The following ZSCAN2 variants were observed in gnomAD, a reference collection of about 807,000 sequenced individuals.
ZSCAN2 encodes the protein zinc finger and SCAN domain containing 2.
Under a neutral mutation model 47.8 loss-of-function variants are expected in ZSCAN2, and 26 were observed. The observed-to-expected ratio is 0.54, with a 90% CI of 0.40 to 0.75. The LOEUF (loss-of-function observed/expected upper bound fraction) is 0.75, where lower values mean the gene tolerates loss of function less well. Ranked by LOEUF, ZSCAN2 falls within the 30% of genes least tolerant of loss-of-function variation. The pLI, the probability that ZSCAN2 is intolerant of heterozygous loss-of-function variation, is 0.00. For missense variants in ZSCAN2, 732 were observed against 785.4 expected, an observed-to-expected ratio of 0.93 and a Z score of 0.81; for synonymous variants, 305 against 288.7, an observed-to-expected ratio of 1.06 and a Z score of -0.57.
chr15:84,612,920 G>T (rs1008464180), intron 2 of ZSCAN2, among the ~76,000 whole-genome samples: 10 of 152,198 alleles, frequency 6.6e-5, no homozygotes, highest in African/African-American at 2.4e-4. Context: ...AGATTTTAAA[G>T]AAATTCTTTC....
intron 2 of ZSCAN2, among the ~76,000 whole-genome samples, chr15:84,617,903 G>A (rs769766418): frequency 6.6e-6 from 1 of 152,078 alleles, no homozygotes; most frequent in African/African-American, 2.4e-5. Context: ...TCTCGCTACT[G>A]TACTACCGCC....
chr15:84,621,937 C>G lies in ZSCAN2; in HGVS notation c.1742C>G (p.Thr581Ser), dbSNP rs375794756. Reference sequence around the variant, plus strand: ...CTCATTATACATCAGCGAATCCACACTGGGGAGAAGCCCTACAAATGCCCC... The same window carrying G: ...CTCATTATACATCAGCGAATCCACAGTGGGGAGAAGCCCTACAAATGCCCC... Reference protein sequence around the residue: ...SVLIIHQRIHTGEKPYKCPEC... With the variant: ...SVLIIHQRIHSGEKPYKCPEC... The change falls in exon 3 of 3, where the codon ACT (threonine) becomes AGT (serine). Residue 581 changes from threonine (T) to serine (S), a missense_variant. Physicochemically the swap from Thr to Ser is moderately conservative, Grantham distance 58 (BLOSUM62 1). Transcript: ENST00000546148. The surrounding 1 kb of genome is among the most constrained non-coding windows in gnomAD (Gnocchi z 5.7). 27 of 1,614,040 alleles carry G rather than the reference C, an allele frequency of 1.7e-5. No homozygotes were observed. The highest frequency in any genetic ancestry group is 3.3e-5 in the South Asian group (3 of 91,080).
rs1895296939 is a variant in ZSCAN2, at chr15:84,604,085, C to T, written c.158C>T (p.Ser53Phe). The change falls in exon 2 of 3, where the codon TCT becomes TTT. Residue 53 changes from serine to phenylalanine, a missense_variant. By Grantham distance (155) the Ser-to-Phe change is radical. Coordinates refer to ENST00000546148, the MANE Select transcript of ZSCAN2 (RefSeq NM_181877.4). ...EAVLQEDGPE[S>F]EPFPQSAGKG... The stretch of plus-strand genomic sequence containing the variant: ...GTGCTGCAGGAGGATGGCCCTGAGT[C>T]TGAGCCCTTTCCCCAGAGTGCTGGC... 6.2e-7 allele frequency: 1 copy of T among 1,614,054 alleles called. No homozygotes were observed. Among genetic ancestry groups the T allele is most frequent in the Non-Finnish European group, 8.5e-7 (1 of 1,180,026 alleles).
Position 84,603,819 on chromosome 15 carries a change from G to C in ZSCAN2, c.-108-1G>C, listed in dbSNP as rs1040819848. ...TTATGGTTCTCTTTTTTGTTTCTCA[G>C]CGGGACTACTTGTTGATATTTGAGG... On this transcript the variant is annotated splice_acceptor_variant, in intron 1 of 2. Transcript: ENST00000546148. LOFTEE classifies it low-confidence loss of function (5UTR_SPLICE). 26 of 1,308,818 alleles carry C rather than the reference G, an allele frequency of 2.0e-5. No homozygotes were observed. The highest frequency in any genetic ancestry group is 2.6e-5 in the Non-Finnish European group (25 of 949,570). 81.1% of individuals were successfully genotyped at this position (1,308,818 alleles called of 1,614,324 possible).
intron 2 of ZSCAN2, among the ~76,000 whole-genome samples, chr15:84,610,417 G>A (rs998522374): frequency 6.6e-6 from 1 of 151,536 alleles, no homozygotes; most frequent in Admixed American, 6.6e-5. Context: ...TATGAAGTGT[G>A]AATAAGCAAT....
At chr15:84,604,823 C>T (rs549382291) in intron 2 of ZSCAN2, among the ~76,000 whole-genome samples, 1 of 151,134 alleles carries the variant, frequency 6.6e-6, no homozygotes, top group East Asian at 1.9e-4. Flanking sequence ...CTGCAACCTC[C>T]GTCTTCTGGG....
At chr15:84,616,968 C>T (rs768048900) in intron 2 of ZSCAN2, among the ~76,000 whole-genome samples, 12 of 151,962 alleles carry the variant, frequency 7.9e-5, no homozygotes, top group Non-Finnish European at 1.0e-4. Context: ...ACTAAAAATA[C>T]AAAATTAGCC....
intron 2 of ZSCAN2, among the ~76,000 whole-genome samples, chr15:84,617,077 G>A (rs1221492276): frequency 1.1e-4 from 16 of 151,546 alleles, no homozygotes; most frequent in African/African-American, 3.2e-4. Flanking sequence ...AGCCAGGATC[G>A]CGCCACTGCA....
At position 84,621,175 on chromosome 15, in the gene ZSCAN2, C is replaced by T. The variant is rs933521820; in HGVS notation, c.980C>T (p.Thr327Ile). Residue 327 changes from threonine (T) to isoleucine (I), a missense_variant, in exon 3 of 3, where the codon ACC becomes ATC. By Grantham distance (89) the Thr-to-Ile change is moderately conservative. Transcript: ENST00000546148. This position sits in a 1 kb window ranked among gnomAD's most constrained non-coding sequence, Gnocchi z 5.7. The part of the protein sequence containing the change: ...RSPNLIAHQR[T>I]HTGEKPYSCP... ...CCCAACCTCATTGCACATCAGCGCA[C>T]CCACACAGGAGAGAAACCCTACTCG... is the stretch of plus-strand genomic sequence containing the variant. 2 of 1,614,044 alleles carry T rather than the reference C, an allele frequency of 1.2e-6. No homozygotes were observed. The highest frequency in any genetic ancestry group is 8.5e-7 in the Non-Finnish European group (1 of 1,180,008).
chr15:84,601,513 C>T (rs1293029064), intron 1 of ZSCAN2, among the ~76,000 whole-genome samples: 2 of 152,180 alleles, frequency 1.3e-5, no homozygotes, highest in Non-Finnish European at 2.9e-5. Flanking sequence ...CCCAGGCTCC[C>T]AAGTAGGAAG....
chr15:84,620,936 G>A lies in ZSCAN2; in HGVS notation c.741G>A (p.Glu247=). The A allele has an allele frequency of 6.2e-7, 1 of 1,614,148 alleles. No homozygotes were observed. The change falls in exon 3 of 3, where the codon GAG becomes GAA. Residue 247 remains glutamate (E), a synonymous_variant. Coordinates refer to ENST00000546148, the MANE Select transcript of ZSCAN2 (RefSeq NM_181877.4). ...LITHERTHTG[E]KYYKCDECGK... is the part of the protein sequence containing the mutation. The stretch of plus-strand genomic sequence containing the variant: ...CACACGAGAGGACCCACACAGGAGA[G>A]AAATACTACAAATGTGATGAATGTG...
chr15:84,620,861 C>T lies in ZSCAN2; in HGVS notation c.666C>T (p.Tyr222=), dbSNP rs752091110. ...GCACCTACCTAGGGGAGAAGCCCTACGAATGTCCCCAGTGTGGGAAGACCT... is the reference window on the plus strand; with the variant it reads ...GCACCTACCTAGGGGAGAAGCCCTATGAATGTCCCCAGTGTGGGAAGACCT... The part of the protein sequence containing the change: ...LQGTYLGEKP[Y]ECPQCGKTFS... Residue 222 remains tyrosine (Y), a synonymous_variant, in exon 3 of 3, where the codon TAC becomes TAT. Transcript: ENST00000546148. 25 of 1,614,046 alleles carry T rather than the reference C, an allele frequency of 1.5e-5. No individual in the cohort carries two copies. Among genetic ancestry groups the T allele is most frequent in the Middle Eastern group, 1.6e-4 (1 of 6,084 alleles).
rs1895813367 is a variant in ZSCAN2, at chr15:84,621,408, C to G, written c.1213C>G (p.Leu405Val). The G allele has an allele frequency of 6.2e-7, 1 of 1,613,928 alleles. No individual in the cohort carries two copies. The highest frequency in any genetic ancestry group is 8.5e-7 in the Non-Finnish European group (1 of 1,180,016). The part of the protein sequence containing the change: ...CGQRFSQSSA[L>V]ITHRRTHTGE... ...GCAGAGGTTCAGCCAGAGTTCAGCC[C>G]TCATCACCCACCGGAGAACCCACAC... is the stretch of plus-strand genomic sequence containing the variant. Residue 405 changes from leucine to valine, a missense_variant, in exon 3 of 3, where the codon CTC (leucine) becomes GTC (valine). Around this residue, in one of 2 missense-constraint regions of ZSCAN2, gnomAD observed 412 missense variants for 498.0 expected, o/e 0.83. Coordinates refer to ENST00000546148, the MANE Select transcript of ZSCAN2 (RefSeq NM_181877.4). This position sits in a 1 kb window ranked among gnomAD's most constrained non-coding sequence, Gnocchi z 5.7.
At chr15:84,605,062 A>T (rs923675474) in intron 2 of ZSCAN2, among the ~76,000 whole-genome samples, 1 of 152,216 alleles carries the variant, frequency 6.6e-6, no homozygotes, top group Non-Finnish European at 1.5e-5. Context: ...TATGAAACCA[A>T]GAGAAATGAC....
intron 2 of ZSCAN2, among the ~76,000 whole-genome samples, chr15:84,613,208 C>G (rs1451350465): frequency 6.6e-6 from 1 of 152,136 alleles, no homozygotes; most frequent in African/African-American, 2.4e-5. Context: ...TATTTCTGTT[C>G]CACTTGTATT....
chr15:84,622,391 C>T lies in ZSCAN2; in HGVS notation c.*351C>T. On this transcript the variant is annotated 3_prime_UTR_variant, in exon 3 of 3. Coordinates refer to ENST00000546148, the MANE Select transcript of ZSCAN2 (RefSeq NM_181877.4). Reference sequence around the variant, plus strand: ...ATGTGGAATGGAAGACAGCATGGCCCACAACGTGGGCCGAGTCCTCAGAGA... The same window carrying T: ...ATGTGGAATGGAAGACAGCATGGCCTACAACGTGGGCCGAGTCCTCAGAGA... 8.6e-6 allele frequency: 5 copies of T among 582,918 alleles called. No individual in the cohort carries two copies. The highest frequency in any genetic ancestry group is 4.6e-5 in the South Asian group (2 of 43,712). The allele number at this position is 582,918 out of a possible 1,614,324, so 36.1% of individuals were successfully genotyped here.
intron 2 of ZSCAN2, among the ~76,000 whole-genome samples, chr15:84,619,568 G>A (rs994285116): frequency 1.3e-5 from 2 of 152,096 alleles, no homozygotes; most frequent in South Asian, 2.1e-4. Context: ...CATCTTTCCT[G>A]TGTCTAAATA....
At position 84,619,926 on chromosome 15, in the gene ZSCAN2, G is replaced by GTTTT. The variant is rs1567012471; in HGVS notation, c.407-676_407-675insTTTT. 3.5e-4 allele frequency among the ~76,000 whole-genome samples: 10 copies of GTTTT among 28,658 alleles called. 3 individuals carry two copies. The highest frequency in any genetic ancestry group is 4.7e-4 in the Non-Finnish European group (6 of 12,814). 18.8% of individuals were successfully genotyped at this position (28,658 alleles called of 152,430 possible). On this transcript the variant is annotated intron_variant, in intron 2 of 2. Transcript: ENST00000546148. ...AGTCAGAATGAAATAAGCCTGGGTT[G>GTTTT]GTTTTTTTTTTTTTTTTTTTCCATC...
At position 84,621,283 on chromosome 15, in the gene ZSCAN2, A is replaced by C. The variant is rs1220721145; in HGVS notation, c.1088A>C (p.Glu363Ala). ...ATCCACACTGGAGAAAAGCCCTACG[A>C]ATGTAAAGAATGCGGCGAAAGCTTT... ...QGIHTGEKPYECKECGESFSY... is the reference protein window; with the variant it reads ...QGIHTGEKPYACKECGESFSY... Residue 363 changes from glutamate to alanine, a missense_variant, in exon 3 of 3, where the codon GAA (glutamate) becomes GCA (alanine). This residue lies in a region of ZSCAN2 where 412 missense variants were observed against 498.0 expected (regional missense o/e 0.83). Coordinates refer to ENST00000546148, the MANE Select transcript of ZSCAN2 (RefSeq NM_181877.4). This position sits in a 1 kb window ranked among gnomAD's most constrained non-coding sequence, Gnocchi z 5.7. The C allele has an allele frequency of 1.2e-6, 2 of 1,613,830 alleles. No homozygotes were observed. Among genetic ancestry groups the C allele is most frequent in the Non-Finnish European group, 1.7e-6 (2 of 1,179,992 alleles).
Sources: gnomAD v4.1 joint callset for allele counts (sites outside exome capture counted in the v4.1 genomes callset) on GRCh38, gnomAD v4.1.1 for gene constraint, gnomAD v4.1.1 regional missense constraint, Gnocchi (gnomAD v3.1) non-coding constraint, MANE v1.5 for transcripts, NCBI Gene and HGNC (gene_info 2026-07-23, HGNC 2026-07-21) for gene names.